LITAF: variants seen among roughly 807,000 people sequenced by gnomAD.
LITAF encodes the protein lipopolysaccharide-induced tumor necrosis factor-alpha factor.
LITAF carries 9 observed loss-of-function variants against 14.5 expected under a neutral mutation model. The observed-to-expected ratio is 0.62, with a 90% CI of 0.37 to 1.08. The LOEUF is 1.08. Ranked by LOEUF, LITAF falls within the 50% of genes least tolerant of loss-of-function variation. LITAF has a pLI of 0.01. For missense variants in LITAF, 206 were observed against 213.4 expected, an observed-to-expected ratio of 0.97 and a Z score of 0.22; for synonymous variants, 98 against 88.2, an observed-to-expected ratio of 1.11 and a Z score of -0.62.
At chr16:11,550,565 T>C (rs2064167527) in intron 3 of LITAF, among the ~76,000 whole-genome samples, 1 of 152,236 alleles carries the variant, frequency 6.6e-6, no homozygotes, top group African/African-American at 2.4e-5. Flanking sequence ...TTTTCAAATC[T>C]GGGGTCATTT....
At chr16:11,640,307 C>A (rs1004534958), upstream of LITAF, among the ~76,000 whole-genome samples, 1 of 152,168 alleles carries the variant, frequency 6.6e-6, no homozygotes, top group South Asian at 2.1e-4. Context: ...TGTTCTGCAG[C>A]CTGGGAAACT....
chr16:11,569,663 T>G (rs2064511092), intron 1 of LITAF, among the ~76,000 whole-genome samples: 1 of 152,082 alleles, frequency 6.6e-6, no homozygotes, highest in Non-Finnish European at 1.5e-5. Flanking sequence ...CAACTGTTAC[T>G]CAGAGTGAAG....
chr16:11,548,071 T>G lies in LITAF; in HGVS notation c.*1566A>C, dbSNP rs1042033587. 1 of 454,104 alleles carries G rather than the reference T, an allele frequency of 2.2e-6. No individual in the cohort carries two copies. 28.1% of individuals were successfully genotyped at this position (454,104 alleles called of 1,614,324 possible). A position where few individuals can be genotyped will look rare whatever the true frequency, so the allele number is the denominator to read the frequency against. On this transcript the variant is annotated 3_prime_UTR_variant, in exon 4 of 4. Coordinates refer to ENST00000622633, the MANE Select transcript of LITAF (RefSeq NM_001136472.2). ...AGTACTATGTGGTATCCATATTCGTTGCAAAAATGATAATTACTGGAATTT... is the reference window on the plus strand; with the variant it reads ...AGTACTATGTGGTATCCATATTCGTGGCAAAAATGATAATTACTGGAATTT...
chr16:11,598,580 G>C (rs923035430), upstream of LITAF: 1 of 152,074 alleles, frequency 6.6e-6, no homozygotes, highest in Non-Finnish European at 1.5e-5. Flanking sequence ...CTCCCGAGGG[G>C]GTAACCGGGG....
At chr16:11,609,731 G>A (rs753106555) in intron 3 of LITAF, among the ~76,000 whole-genome samples, 4 of 152,090 alleles carry the variant, frequency 2.6e-5, no homozygotes, top group African/African-American at 7.2e-5. Flanking sequence ...CTGTTCAAGG[G>A]ACCGTAAACA....
At chr16:11,625,460 G>A (rs900688668) in intron 3 of LITAF, among the ~76,000 whole-genome samples, 4 of 151,880 alleles carry the variant, frequency 2.6e-5, no homozygotes, top group Admixed American at 2.0e-4. Context: ...ACAGGGTTTC[G>A]CCATGTTGCC....
chr16:11,628,962 C>A (rs970972033), intron 3 of LITAF, among the ~76,000 whole-genome samples: 2 of 152,238 alleles, frequency 1.3e-5, no homozygotes, highest in South Asian at 2.1e-4. Flanking sequence ...AGGCGTGAGC[C>A]ATTGCTCCCA....
At chr16:11,564,012 T>C (rs1486235815) in intron 1 of LITAF, among the ~76,000 whole-genome samples, 4 of 152,178 alleles carry the variant, frequency 2.6e-5, no homozygotes, top group East Asian at 3.9e-4. Flanking sequence ...GTTCAAACGA[T>C]TGTCCTGCCT....
chr16:11,572,450 G>C (rs1230497738), intron 1 of LITAF, among the ~76,000 whole-genome samples: 1 of 152,020 alleles, frequency 6.6e-6, no homozygotes, highest in South Asian at 2.1e-4. Context: ...GAAGTCACAT[G>C]ACATCACACA....
chr16:11,573,477 C>T (rs2064578190), intron 1 of LITAF, among the ~76,000 whole-genome samples: 1 of 152,182 alleles, frequency 6.6e-6, no homozygotes, highest in African/African-American at 2.4e-5. Flanking sequence ...AAATGACAAG[C>T]ACATGGGGTA....
At chr16:11,566,523 G>A (rs545149118) in intron 1 of LITAF, among the ~76,000 whole-genome samples, 1 of 152,202 alleles carries the variant, frequency 6.6e-6, no homozygotes, top group African/African-American at 2.4e-5. Flanking sequence ...CAACACTTTG[G>A]GAGGCCAAGG....
chr16:11,633,163 G>A lies in LITAF; in HGVS notation c.85+370C>T, dbSNP rs564193735. Among the ~76,000 whole-genome samples, 10 of 152,286 alleles carry A rather than the reference G, an allele frequency of 6.6e-5. 1 individual carries two copies. The highest frequency in any genetic ancestry group is 5.9e-4 in the Admixed American group (9 of 15,288). ...GGCAAGATGGGTAGACATATTCCCA[G>A]GGGTGCACCCATCCACACGGACCTG... On this transcript the variant is annotated intron_variant, in intron 3 of 3. Coordinates refer to the LITAF transcript ENST00000574848.
intron 1 of LITAF, among the ~76,000 whole-genome samples, chr16:11,595,298 C>T (rs570856141): frequency 1.1e-4 from 17 of 152,346 alleles, no homozygotes; most frequent in Admixed American, 5.9e-4. Context: ...CACCCCCAAC[C>T]CCAATTCTGG....
chr16:11,601,624 C>A (rs992297638), upstream of LITAF, among the ~76,000 whole-genome samples: 1 of 152,104 alleles, frequency 6.6e-6, no homozygotes, highest in Non-Finnish European at 1.5e-5. Flanking sequence ...GGCTGGAGTG[C>A]GGTGGTGTGA....
At chr16:11,635,373 G>C (rs1441161208) in intron 2 of LITAF, among the ~76,000 whole-genome samples, 1 of 152,186 alleles carries the variant, frequency 6.6e-6, no homozygotes. Flanking sequence ...CCCCTGTACT[G>C]GTTCATGATG....
At chr16:11,615,477 C>A (rs1412438082) in intron 3 of LITAF, among the ~76,000 whole-genome samples, 3 of 151,858 alleles carry the variant, frequency 2.0e-5, no homozygotes, top group African/African-American at 7.3e-5. Flanking sequence ...GTGGAGGTTG[C>A]GGTGAGCCGA....
intron 3 of LITAF, among the ~76,000 whole-genome samples, chr16:11,550,567 G>C (rs1286756507): frequency 6.6e-6 from 1 of 152,192 alleles, no homozygotes; most frequent in African/African-American, 2.4e-5. Context: ...TTCAAATCTG[G>C]GGTCATTTGG....
intron 1 of LITAF, among the ~76,000 whole-genome samples, chr16:11,566,553 T>C (rs2064453140): frequency 6.6e-6 from 1 of 152,070 alleles, no homozygotes; most frequent in Non-Finnish European, 1.5e-5. Context: ...CGCTTGAGCC[T>C]AGAAGTTCGA....
In LITAF at chr16:11,605,765, C is replaced by T. The variant is rs112002111; in HGVS notation, c.85+27768G>A. 0.012 allele frequency among the ~76,000 whole-genome samples: 1,843 copies of T among 152,206 alleles called. 29 individuals are homozygous for T. Among genetic ancestry groups the T allele is most frequent in the African/African-American group, 0.041 (1,704 of 41,512 alleles). On this transcript the variant is annotated intron_variant, in intron 3 of 3. Transcript: ENST00000574848. This position sits in a 1 kb window ranked among gnomAD's most constrained non-coding sequence, Gnocchi z 4.7. ...TGGGCAACAGAGTGAGACCCTGTCTCTAAGAGAAAGAGAAGCAAGAGAGTT... is the reference window on the plus strand; with the variant it reads ...TGGGCAACAGAGTGAGACCCTGTCTTTAAGAGAAAGAGAAGCAAGAGAGTT...
Sources: allele counts gnomAD v4.1 joint callset (sites outside exome capture counted in the v4.1 genomes callset), GRCh38; gene constraint gnomAD v4.1.1; non-coding constraint Gnocchi (gnomAD v3.1); transcripts MANE v1.5; gene names NCBI Gene and HGNC (gene_info 2026-07-23, HGNC 2026-07-21).